The following PLEKHA2 variants were observed in gnomAD, a reference collection of about 807,000 sequenced individuals.
PLEKHA2 encodes pleckstrin homology domain-containing family A member 2.
In PLEKHA2, 28 loss-of-function variants were observed where a neutral mutation model predicts 53.2. That is an observed-to-expected ratio of 0.53 (90% CI 0.39 to 0.72). PLEKHA2 has a LOEUF of 0.72. Ranked by LOEUF, PLEKHA2 falls within the 30% of genes least tolerant of loss-of-function variation. PLEKHA2 has a pLI of 0.00. For missense variants in PLEKHA2, 426 were observed against 537.9 expected, an observed-to-expected ratio of 0.79 and a Z score of 2.06; for synonymous variants, 193 against 196.4, an observed-to-expected ratio of 0.98 and a Z score of 0.14.
chr8:38,933,899 G>T (rs1834443211), intron 2 of PLEKHA2, among the ~76,000 whole-genome samples: 1 of 151,938 alleles, frequency 6.6e-6, no homozygotes, highest in Non-Finnish European at 1.5e-5. Context: ...GTAAGAGGCA[G>T]CTCCTTAGCT....
At chr8:38,963,157 T>G (rs1267835390) in intron 10 of PLEKHA2, among the ~76,000 whole-genome samples, 1 of 152,224 alleles carries the variant, frequency 6.6e-6, no homozygotes, top group Non-Finnish European at 1.5e-5. Flanking sequence ...TGGACTACAA[T>G]AAAACTGCAG....
chr8:38,962,112 C>T (rs1835051894), intron 10 of PLEKHA2, among the ~76,000 whole-genome samples: 1 of 152,308 alleles, frequency 6.6e-6, no homozygotes, highest in East Asian at 1.9e-4. Flanking sequence ...TGTGCAGGAT[C>T]ATAATAAATC....
In PLEKHA2 at chr8:38,969,893, C is replaced by T; in HGVS notation, c.*110C>T. The T allele has an allele frequency of 6.9e-7, 1 of 1,449,042 alleles. No individual in the cohort carries two copies. Among genetic ancestry groups the T allele is most frequent in the Non-Finnish European group, 9.2e-7 (1 of 1,088,010 alleles). 89.8% of individuals were successfully genotyped at this position (1,449,042 alleles called of 1,614,324 possible). ...GGTAGTCAGAGGCCTTTATGTCACT[C>T]ATATTCCTGTGGATGCTCTTTGGGA... On this transcript the variant is annotated 3_prime_UTR_variant, in exon 12 of 12. Coordinates refer to ENST00000617275, the MANE Select transcript of PLEKHA2 (RefSeq NM_021623.2).
Position 38,957,390 on chromosome 8 carries a change from A to G in PLEKHA2, c.837+4A>G. On this transcript the variant is annotated splice_donor_region_variant and intron_variant, in intron 10 of 11. Coordinates refer to ENST00000617275, the MANE Select transcript of PLEKHA2 (RefSeq NM_021623.2). ...CTCCAGGACCTTCTACGTACAGGTAAAATGCTCCCTTCCAGAAGACTCCAG... is the reference window on the plus strand; with the variant it reads ...CTCCAGGACCTTCTACGTACAGGTAGAATGCTCCCTTCCAGAAGACTCCAG... 1.2e-6 allele frequency: 2 copies of G among 1,610,628 alleles called. No individual in the cohort carries two copies. The highest frequency in any genetic ancestry group is 1.7e-6 in the Non-Finnish European group (2 of 1,176,972).
chr8:38,950,057 T>C (rs908250329), intron 5 of PLEKHA2, among the ~76,000 whole-genome samples: 1 of 152,140 alleles, frequency 6.6e-6, no homozygotes, highest in South Asian at 2.1e-4. Flanking sequence ...TATTTTGTAT[T>C]TTTTTCGAGA....
At chr8:38,957,208 C>A (rs1588273698) in intron 9 of PLEKHA2, 115 bp from the exon 10 acceptor site, 2 of 725,554 alleles carry the variant, frequency 2.8e-6, no homozygotes, top group Admixed American at 2.7e-5. Flanking sequence ...TGGCTTGGAA[C>A]CACCCCCCAC....
intron 3 of PLEKHA2, among the ~76,000 whole-genome samples, chr8:38,940,243 T>C (rs1178407108): frequency 6.6e-6 from 1 of 151,330 alleles, no homozygotes; most frequent in East Asian, 2.0e-4. Context: ...ACTAAAAATA[T>C]AAAACATTAG....
At chr8:38,911,300 G>C (rs1833950752) in intron 1 of PLEKHA2, among the ~76,000 whole-genome samples, 1 of 151,558 alleles carries the variant, frequency 6.6e-6, no homozygotes, top group South Asian at 2.1e-4. Context: ...GCAGTGGCAT[G>C]ATCTCGGCTC....
At chr8:38,959,741 A>C (rs891847527) in intron 10 of PLEKHA2, among the ~76,000 whole-genome samples, 1 of 152,236 alleles carries the variant, frequency 6.6e-6, no homozygotes, top group Non-Finnish European at 1.5e-5. Flanking sequence ...TTAAAAAGGT[A>C]TATTTTCCAG....
At chr8:38,903,484 C>A (rs1023199309) in intron 1 of PLEKHA2, among the ~76,000 whole-genome samples, 1 of 152,096 alleles carries the variant, frequency 6.6e-6, no homozygotes, top group African/African-American at 2.4e-5. Flanking sequence ...ATATTCAGCT[C>A]GGTATTTTTG....
At chr8:38,948,899 C>G (rs1834769499) in intron 5 of PLEKHA2, among the ~76,000 whole-genome samples, 1 of 152,150 alleles carries the variant, frequency 6.6e-6, no homozygotes, top group South Asian at 2.1e-4. Context: ...GAAACGGAGT[C>G]TCGCTCTATA....
At position 38,933,790 on chromosome 8, in the gene PLEKHA2, A is replaced by AAAAAAAAG. The variant is rs71216697; in HGVS notation, c.142-2200_142-2199insAAAGAAAA. 5.7e-3 allele frequency among the ~76,000 whole-genome samples: 519 copies of AAAAAAAAG among 90,692 alleles called. 45 individuals carry two copies. The highest frequency in any genetic ancestry group is 0.019 in the African/African-American group (495 of 26,028). 59.5% of individuals were successfully genotyped at this position (90,692 alleles called of 152,430 possible). On this transcript the variant is annotated intron_variant, in intron 2 of 11. Transcript: ENST00000617275. ...AATAGAGGTTTCCTAAAAAAAAAAA[A>AAAAAAAAG]AAAAGAAAAGAAAGAAAAGCAGTCG...
At chr8:38,968,260 T>C (rs1369775472) in intron 10 of PLEKHA2, among the ~76,000 whole-genome samples, 5 of 152,234 alleles carry the variant, frequency 3.3e-5, no homozygotes, top group Non-Finnish European at 7.3e-5. Context: ...TTTCCTTTTT[T>C]ATAAAACTAG....
chr8:38,935,903 A>G (rs918465983), intron 2 of PLEKHA2, 91 bp from the exon 3 acceptor site: 4 of 1,226,034 alleles, frequency 3.3e-6, no homozygotes, highest in South Asian at 2.4e-5. Flanking sequence ...TGTTGCCAGG[A>G]AAGTGGCATA....
intron 1 of PLEKHA2, among the ~76,000 whole-genome samples, chr8:38,906,027 A>G (rs963233593): frequency 1.3e-5 from 2 of 152,206 alleles, no homozygotes; most frequent in African/African-American, 4.8e-5. Flanking sequence ...CTGCCCATGT[A>G]TTAGTACCCT....
intron 1 of PLEKHA2, among the ~76,000 whole-genome samples, chr8:38,903,777 T>C (rs963617503): frequency 6.6e-6 from 1 of 152,198 alleles, no homozygotes; most frequent in Non-Finnish European, 1.5e-5. Context: ...TGCATCAGAA[T>C]ATCTCTTCTG....
At position 38,933,419 on chromosome 8, in the gene PLEKHA2, C is replaced by T. The variant is rs906055902; in HGVS notation, c.142-2575C>T. ...CCAACAGCTCAAGCTTTTAAAATTACCCCATGCCACTTGCAGGGCACTGCA... is the reference window on the plus strand; with the variant it reads ...CCAACAGCTCAAGCTTTTAAAATTATCCCATGCCACTTGCAGGGCACTGCA... On this transcript the variant is annotated intron_variant, in intron 2 of 11. Coordinates refer to ENST00000617275, the MANE Select transcript of PLEKHA2 (RefSeq NM_021623.2). 5.3e-5 allele frequency among the ~76,000 whole-genome samples: 8 copies of T among 152,180 alleles called. No homozygotes were observed. In the South Asian group the frequency reaches 8.3e-4, roughly 16 times the overall value.
intron 3 of PLEKHA2, among the ~76,000 whole-genome samples, chr8:38,938,312 T>A (rs1432060102): frequency 6.6e-6 from 1 of 152,208 alleles, no homozygotes; most frequent in Non-Finnish European, 1.5e-5. Context: ...AGGGAGCCCA[T>A]TGACCTCCTG....
chr8:38,957,841 T>A (rs987994066), intron 10 of PLEKHA2, among the ~76,000 whole-genome samples: 11 of 152,316 alleles, frequency 7.2e-5, no homozygotes, highest in Admixed American at 3.9e-4. Context: ...GGTTCACTTA[T>A]CAGGAGCTTC....
Sources: allele counts gnomAD v4.1 joint callset (sites outside exome capture counted in the v4.1 genomes callset), GRCh38; gene constraint gnomAD v4.1.1; transcripts MANE v1.5; gene names NCBI Gene and HGNC (gene_info 2026-07-23, HGNC 2026-07-21).